LTBP1: variants seen among roughly 807,000 people sequenced by gnomAD.
LTBP1 encodes latent transforming growth factor beta binding protein 1.
In LTBP1, 129 loss-of-function variants were observed where a neutral mutation model predicts 207.6. The ratio of observed to expected loss-of-function variants is 0.62; its 90% CI spans 0.54 to 0.72. LTBP1 has a LOEUF of 0.72. Among genes scored for constraint, LTBP1 ranks in the 30% least tolerant of loss-of-function variants. The pLI is 0.00. For synonymous variants in LTBP1, 963 were observed against 833.7 expected (o/e 1.16, Z -2.67); for missense variants, 2,281 against 2,217.2 (o/e 1.03, Z -0.58).
chr2:33,049,451 G>A (rs999472924), intron 3 of LTBP1, among the ~76,000 whole-genome samples: 11 of 152,056 alleles, frequency 7.2e-5, no homozygotes, highest in South Asian at 2.1e-4. Flanking sequence ...GAGCTAGGCC[G>A]GACACTAAAA....
At chr2:33,197,951 A>G (rs1025745233) in intron 7 of LTBP1, among the ~76,000 whole-genome samples, 14 of 152,190 alleles carry the variant, frequency 9.2e-5, no homozygotes, top group African/African-American at 3.4e-4. Context: ...TTACATATAA[A>G]TACCTGAGTT....
At chr2:33,333,231 G>GT (rs71975994) in intron 24 of LTBP1, among the ~76,000 whole-genome samples, 2,160 of 149,022 alleles carry the variant, frequency 0.014, 39 homozygotes, top group African/African-American at 0.048. Context: ...AATTTGTAGA[G>GT]TTTTTTTTTT....
chr2:33,279,900 A>G (rs776972738), intron 18 of LTBP1, 139 bp from the exon 19 acceptor site: 80 of 793,202 alleles, frequency 1.0e-4, no homozygotes, highest in Non-Finnish European at 1.6e-4. Context: ...TATAGACCCA[A>G]TGTCTCACTT....
At chr2:33,281,846 T>G (rs1419195255) in intron 19 of LTBP1, among the ~76,000 whole-genome samples, 4 of 152,160 alleles carry the variant, frequency 2.6e-5, no homozygotes, top group Non-Finnish European at 5.9e-5. Flanking sequence ...AATTTCATAC[T>G]TGCCTATCAA....
chr2:33,360,606 T>A lies in LTBP1; in HGVS notation c.4010T>A (p.Val1337Glu). The A allele has an allele frequency of 6.2e-7, 1 of 1,611,190 alleles. No homozygotes were observed. The highest frequency in any genetic ancestry group is 1.1e-5 in the South Asian group (1 of 91,024). The change falls in exon 27 of 34, where the codon GTA becomes GAA. Residue 1337 changes from valine (V) to glutamate (E), a missense_variant. Around this residue, in one of 3 missense-constraint regions of LTBP1, gnomAD observed 1,671 missense variants for 1,634.8 expected, o/e 1.02. Coordinates refer to ENST00000404816, the MANE Select transcript of LTBP1 (RefSeq NM_206943.4). ...TCTCTACTCCATTTAGATTTAGATG[T>A]AGATGTAGATCAACCCAAAGAAGAA... Reference protein sequence around the residue: ...CRSRTSTDLDVDVDQPKEEKK... With the variant: ...CRSRTSTDLDEDVDQPKEEKK...
intron 4 of LTBP1, among the ~76,000 whole-genome samples, chr2:33,126,873 G>A (rs2081468860): frequency 6.6e-6 from 1 of 152,082 alleles, no homozygotes; most frequent in South Asian, 2.1e-4. Flanking sequence ...CTGCAAGCTT[G>A]GATTCTCTGA....
chr2:33,303,541 G>A (rs1035241989), intron 22 of LTBP1, among the ~76,000 whole-genome samples: 1 of 151,746 alleles, frequency 6.6e-6, no homozygotes, highest in Admixed American at 6.6e-5. Context: ...TAATAGAGAC[G>A]GGTTTTCACC....
chr2:33,200,329 A>G (rs1220749446), intron 7 of LTBP1, among the ~76,000 whole-genome samples: 1 of 152,240 alleles, frequency 6.6e-6, no homozygotes. Context: ...CCACATATCT[A>G]CAACTATCTG....
chr2:33,041,366 C>T (rs913938993), intron 3 of LTBP1, among the ~76,000 whole-genome samples: 5 of 152,034 alleles, frequency 3.3e-5, no homozygotes, highest in Non-Finnish European at 7.4e-5. Context: ...CTCACTGCAA[C>T]CTCCGCCGCC....
At position 32,946,960 on chromosome 2, in the gene LTBP1, C is replaced by T; in HGVS notation, c.-365C>T. 1 of 179,170 alleles carries T rather than the reference C, an allele frequency of 5.6e-6. No individual in the cohort carries two copies. The highest frequency in any genetic ancestry group is 1.2e-5 in the Non-Finnish European group (1 of 86,098). The allele number at this position is 179,170 out of a possible 1,614,324, so 11.1% of individuals were successfully genotyped here. ...CGCCGCCGGGGCTGCCTCGGAGTGT[C>T]CCGCGCGCTCTCGCTCGCTCTCGGC... On this transcript the variant is annotated 5_prime_UTR_variant, in exon 1 of 34. Transcript: ENST00000404816.
At chr2:32,986,605 A>T (rs899121885) in intron 2 of LTBP1, among the ~76,000 whole-genome samples, 3 of 152,270 alleles carry the variant, frequency 2.0e-5, no homozygotes, top group African/African-American at 7.2e-5. Flanking sequence ...TTTCAAGATG[A>T]TGACAGCAGA....
intron 3 of LTBP1, among the ~76,000 whole-genome samples, chr2:33,055,821 T>A (rs2076967664): frequency 6.6e-6 from 1 of 152,184 alleles, no homozygotes; most frequent in Non-Finnish European, 1.5e-5. Flanking sequence ...CCCCTACAGC[T>A]TGAAGGGGAC....
chr2:33,043,804 G>A (rs2076311229), intron 3 of LTBP1, among the ~76,000 whole-genome samples: 1 of 152,178 alleles, frequency 6.6e-6, no homozygotes. Context: ...ACCAGGCGGT[G>A]GAGGACCAGG....
intron 25 of LTBP1, among the ~76,000 whole-genome samples, chr2:33,346,985 G>A (rs965992839): frequency 1.3e-5 from 2 of 151,920 alleles, no homozygotes; most frequent in Non-Finnish European, 2.9e-5. Context: ...GGGCGTGGTG[G>A]CAGGCACCTG....
chr2:33,132,167 T>C (rs1462054781), intron 4 of LTBP1, among the ~76,000 whole-genome samples: 1 of 152,224 alleles, frequency 6.6e-6, no homozygotes, highest in Non-Finnish European at 1.5e-5. Flanking sequence ...TCTCTTTTTT[T>C]CTTGGGTTTC....
At chr2:33,047,349 T>C (rs1370285062) in intron 3 of LTBP1, among the ~76,000 whole-genome samples, 2 of 152,228 alleles carry the variant, frequency 1.3e-5, no homozygotes, top group Non-Finnish European at 2.9e-5. Context: ...ACTTACTTCT[T>C]TCTGCCTTAA....
chr2:33,016,882 G>T (rs958830432), intron 2 of LTBP1, among the ~76,000 whole-genome samples: 4 of 152,038 alleles, frequency 2.6e-5, no homozygotes, highest in Admixed American at 2.0e-4. Context: ...AATTAGCTGG[G>T]CATGCATGCC....
At position 33,263,314 on chromosome 2, in the gene LTBP1, C is replaced by A. The variant is rs749485086; in HGVS notation, c.2539C>A (p.Pro847Thr). The stretch of plus-strand genomic sequence containing the variant: ...TATAGTAGTGATTGAAAAAACATCA[C>A]CTCCTGTGCCTGTTGAAGTAGCTCC... ...QFPVVIEKTSPPVPVEVAPEA... is the reference protein window; with the variant it reads ...QFPVVIEKTSTPVPVEVAPEA... The change falls in exon 15 of 34, where the codon CCT becomes ACT. Residue 847 changes from proline (P) to threonine (T), a missense_variant. Transcript: ENST00000404816. 1 of 1,613,290 alleles carries A rather than the reference C, an allele frequency of 6.2e-7. No homozygotes were observed. The highest frequency in any genetic ancestry group is 1.1e-5 in the South Asian group (1 of 91,062).
At chr2:33,329,435 A>C (rs2149455577) in intron 24 of LTBP1, among the ~76,000 whole-genome samples, 1 of 152,250 alleles carries the variant, frequency 6.6e-6, no homozygotes, top group East Asian at 1.9e-4. Context: ...GTTTTATTTC[A>C]GATCAGTATT....
Sources: allele counts gnomAD v4.1 joint callset (sites outside exome capture counted in the v4.1 genomes callset), GRCh38; gene constraint gnomAD v4.1.1; regional missense constraint gnomAD v4.1.1; transcripts MANE v1.5; gene names NCBI Gene and HGNC (gene_info 2026-07-23, HGNC 2026-07-21).